The following TEAD4 variants were observed in gnomAD, a reference collection of about 807,000 sequenced individuals.
The protein encoded by TEAD4 is TEA domain transcription factor 4, also known as transcriptional enhancer factor TEF-3.
Under a neutral mutation model 52.4 loss-of-function variants are expected in TEAD4, and 36 were observed. The ratio of observed to expected loss-of-function variants is 0.69; its 90% CI spans 0.53 to 0.91. TEAD4 has a LOEUF of 0.91. Ranked by LOEUF, TEAD4 falls within the 40% of genes least tolerant of loss-of-function variation. TEAD4 has a pLI of 0.00. For synonymous variants in TEAD4, 220 were observed against 231.0 expected, an observed-to-expected ratio of 0.95 and a Z score of 0.43; for missense variants, 508 against 583.9, an observed-to-expected ratio of 0.87 and a Z score of 1.34.
At position 3,040,387 on chromosome 12, in the gene TEAD4, A is replaced by G. The variant is rs1279803067; in HGVS notation, c.1214A>G (p.Gln405Arg). The G allele has an allele frequency of 1.2e-6, 2 of 1,614,090 alleles. No individual in the cohort carries two copies. Among genetic ancestry groups the G allele is most frequent in the African/African-American group, 2.7e-5 (2 of 74,916 alleles). ...CAGGTGGTCACCAACAGAGACACAC[A>G]GGAGACCTTGCTGTGCATTGCCTAT... is the stretch of plus-strand genomic sequence containing the variant. The change falls in exon 13 of 13, where the codon CAG (glutamine) becomes CGG (arginine). Residue 405 changes from glutamine to arginine, a missense_variant. Gln to Arg is a conservative substitution (Grantham distance 43). Coordinates refer to ENST00000359864, the MANE Select transcript of TEAD4 (RefSeq NM_003213.4).
chr12:3,022,408 G>A (rs1379319003), intron 10 of TEAD4, among the ~76,000 whole-genome samples: 2 of 152,170 alleles, frequency 1.3e-5, no homozygotes, highest in African/African-American at 2.4e-5. Context: ...ATGGGTTTCC[G>A]GGCCTGGAGC....
intron 5 of TEAD4, among the ~76,000 whole-genome samples, chr12:3,012,673 G>C: frequency 6.6e-6 from 1 of 152,208 alleles, no homozygotes; most frequent in South Asian, 2.1e-4. Flanking sequence ...TGTCCTGTGG[G>C]ACTGGGTGTT....
intron 2 of TEAD4, among the ~76,000 whole-genome samples, chr12:2,979,832 C>T (rs2098232743): frequency 6.6e-6 from 1 of 152,134 alleles, no homozygotes; most frequent in Non-Finnish European, 1.5e-5. Flanking sequence ...TTGAGGGGCA[C>T]GTTCATACCA....
At chr12:2,979,212 G>A (rs1245090700) in intron 2 of TEAD4, among the ~76,000 whole-genome samples, 4 of 152,088 alleles carry the variant, frequency 2.6e-5, no homozygotes, top group East Asian at 1.9e-4. Flanking sequence ...CACCGCGCCC[G>A]GTCTCATTCC....
intron 10 of TEAD4, among the ~76,000 whole-genome samples, 182 bp from the exon 11 acceptor site, chr12:3,037,786 C>G (rs2098280284): frequency 6.6e-6 from 1 of 152,112 alleles, no homozygotes; most frequent in Non-Finnish European, 1.5e-5. Context: ...GCAACACGAC[C>G]TGATTTTGTA....
rs4766013 is a variant in TEAD4 at position 2,960,329 on chromosome 12, G to A, written c.-30+289G>A. On this transcript the variant is annotated intron_variant, in intron 2 of 12. Coordinates refer to ENST00000359864, the MANE Select transcript of TEAD4 (RefSeq NM_003213.4). ...GCCTCTTTTCTGCTGGGCCCTTTTCGAGCCTGGAAGGGAGAGACCTGGAGG... is the reference window on the plus strand; with the variant it reads ...GCCTCTTTTCTGCTGGGCCCTTTTCAAGCCTGGAAGGGAGAGACCTGGAGG... 1.4e-3 allele frequency: 1,336 copies of A among 985,514 alleles called. 2 individuals carry two copies. The highest frequency in any genetic ancestry group is 6.6e-3 in the South Asian group (141 of 21,282). 61.0% of individuals were successfully genotyped at this position (985,514 alleles called of 1,614,324 possible). A position where few individuals can be genotyped will look rare whatever the true frequency, so the allele number is the denominator to read the frequency against.
intron 2 of TEAD4, among the ~76,000 whole-genome samples, chr12:2,993,439 C>G (rs2098244759): frequency 6.6e-6 from 1 of 152,070 alleles, no homozygotes; most frequent in Non-Finnish European, 1.5e-5. Context: ...GTGTGAGCCT[C>G]TGCACCCTGC....
intron 2 of TEAD4, among the ~76,000 whole-genome samples, chr12:2,962,315 A>AAT (rs1200828213): frequency 7.6e-5 from 9 of 119,046 alleles, no homozygotes; most frequent in African/African-American, 2.9e-4. Flanking sequence ...TAAATATATA[A>AAT]ATATATATAT....
chr12:3,035,768 C>T (rs897508936), intron 10 of TEAD4, among the ~76,000 whole-genome samples: 3 of 146,054 alleles, frequency 2.1e-5, no homozygotes, highest in African/African-American at 5.0e-5. Context: ...TGCAGTGAGC[C>T]GTGATCATAC....
rs776020891 is a variant in TEAD4 at position 2,994,869 on chromosome 12, A to G, written c.103A>G (p.Ile35Val). ...GGGCAGTCAGGCACTGGACAAGCCC[A>G]TCGACAATGACGCAGAGGGCGTGTG... Residue 35 changes from isoleucine (I) to valine (V), a missense_variant, in exon 3 of 13, where the codon ATC becomes GTC. Transcript: ENST00000359864. The surrounding 1 kb of genome is among the most constrained non-coding windows in gnomAD (Gnocchi z 4.7). 3.1e-6 allele frequency: 5 copies of G among 1,614,012 alleles called. No homozygotes were observed. The highest frequency in any genetic ancestry group is 1.6e-4 in the Middle Eastern group (1 of 6,084).
intron 10 of TEAD4, among the ~76,000 whole-genome samples, chr12:3,028,716 T>C (rs1408628473): frequency 6.6e-6 from 1 of 152,066 alleles, no homozygotes; most frequent in Non-Finnish European, 1.5e-5. Flanking sequence ...CTGCAACCTC[T>C]GCCTCCCAGG....
chr12:3,031,845 C>G (rs940837016), intron 10 of TEAD4, among the ~76,000 whole-genome samples: 2 of 152,178 alleles, frequency 1.3e-5, no homozygotes, highest in East Asian at 3.8e-4. Flanking sequence ...GCAGCCTGAC[C>G]CCAGGGTGTG....
intron 9 of TEAD4, 138 bp downstream of exon 9, chr12:3,020,911 C>A: frequency 1.1e-6 from 1 of 913,064 alleles, no homozygotes; most frequent in Non-Finnish European, 1.5e-6. Flanking sequence ...TTCTGCCCTT[C>A]CCCCCACTCC....
At chr12:2,969,443 T>TAC in intron 2 of TEAD4, among the ~76,000 whole-genome samples, 1 of 152,220 alleles carries the variant, frequency 6.6e-6, no homozygotes. Context: ...ACCAAAGGAC[T>TAC]ACTGTACATA....
At chr12:3,017,974 G>T (rs2098265804) in intron 6 of TEAD4, among the ~76,000 whole-genome samples, 1 of 152,158 alleles carries the variant, frequency 6.6e-6, no homozygotes, top group Admixed American at 6.5e-5. Flanking sequence ...AACTTTCCCA[G>T]CCATGACCAT....
Position 2,994,619 on chromosome 12 carries a change from C to T in TEAD4, c.-29-119C>T, listed in dbSNP as rs1013184184. On this transcript the variant is annotated intron_variant, in intron 2 of 12. Transcript: ENST00000359864. The surrounding 1 kb of genome is among the most constrained non-coding windows in gnomAD (Gnocchi z 4.7). ...AGGCCTGATTCTCACAGATCTTTCA[C>T]TTCACGCTTTGCTTCCTGAGCAACT... is the stretch of plus-strand genomic sequence containing the variant. 2.2e-6 allele frequency: 3 copies of T among 1,335,946 alleles called. No individual in the cohort carries two copies. In the East Asian group the frequency reaches 7.6e-5, roughly 34 times the overall value. The allele number at this position is 1,335,946 out of a possible 1,614,324, so 82.8% of individuals were successfully genotyped here.
intron 2 of TEAD4, among the ~76,000 whole-genome samples, chr12:2,992,456 C>T (rs540999957): frequency 7.2e-5 from 11 of 152,254 alleles, no homozygotes; most frequent in African/African-American, 2.4e-4. Context: ...TCGATCCTCA[C>T]CCCCTCCCTC....
At chr12:2,960,799 G>T (rs1372407599) in intron 2 of TEAD4, among the ~76,000 whole-genome samples, 1 of 152,186 alleles carries the variant, frequency 6.6e-6, no homozygotes, top group African/African-American at 2.4e-5. Flanking sequence ...GAGGATGTTG[G>T]TTCTGGCTAG....
At chr12:2,963,270 G>A (rs767344283) in intron 2 of TEAD4, among the ~76,000 whole-genome samples, 11 of 152,308 alleles carry the variant, frequency 7.2e-5, no homozygotes, top group Non-Finnish European at 1.5e-4. Context: ...AATGCCTGTT[G>A]CCAAACCTGT....
Sources: allele counts gnomAD v4.1 joint callset (sites outside exome capture counted in the v4.1 genomes callset), GRCh38; gene constraint gnomAD v4.1.1; non-coding constraint Gnocchi (gnomAD v3.1); transcripts MANE v1.5; gene names NCBI Gene and HGNC (gene_info 2026-07-23, HGNC 2026-07-21).